The following PCDHGA6 variants were observed in gnomAD, a reference collection of about 807,000 sequenced individuals.
PCDHGA6 encodes the protein protocadherin gamma-A6.
In PCDHGA6, 41 loss-of-function variants were observed where a neutral mutation model predicts 60.6. That is an observed-to-expected ratio of 0.68 (90% CI 0.53 to 0.88). The LOEUF is 0.88. Ranked by LOEUF, PCDHGA6 falls within the 40% of genes least tolerant of loss-of-function variation. PCDHGA6 has a pLI of 0.00. For missense variants in PCDHGA6, 1,312 were observed against 1,203.0 expected (o/e 1.09, Z -1.34); for synonymous variants, 594 against 524.4 (o/e 1.13, Z -1.81).
rs1160304959 is a variant in PCDHGA6, at chr5:141,490,969, C to A, written c.2425-3838C>A. On this transcript the variant is annotated intron_variant, in intron 1 of 3. Coordinates refer to ENST00000517434, the MANE Select transcript of PCDHGA6 (RefSeq NM_018919.3). This position sits in a 1 kb window ranked among gnomAD's most constrained non-coding sequence, Gnocchi z 5.4. ...GCCAGACTGGGAACACTCAGCCCCC[C>A]AGCGTCTCCCTCGCTCTGCTCCTCC... The A allele has an allele frequency of 2.5e-6, 4 of 1,613,820 alleles. No individual in the cohort carries two copies. In the African/African-American group the frequency reaches 4.0e-5, roughly 16 times the overall value.
chr5:141,450,581 G>A (rs2098686464), intron 1 of PCDHGA6, among the ~76,000 whole-genome samples: 1 of 151,878 alleles, frequency 6.6e-6, no homozygotes, highest in Non-Finnish European at 1.5e-5. Context: ...CTGCCTCCCA[G>A]GTTCAAGCAA....
intron 1 of PCDHGA6, chr5:141,422,327 T>C (rs1561800795): frequency 1.3e-6 from 2 of 1,548,652 alleles, no homozygotes; most frequent in African/African-American, 2.8e-5. Context: ...GGTACAGTGA[T>C]TGCTCTTCTA....
At chr5:141,402,458 T>C (rs886690950) in intron 1 of PCDHGA6, among the ~76,000 whole-genome samples, 2 of 152,178 alleles carry the variant, frequency 1.3e-5, no homozygotes, top group Non-Finnish European at 2.9e-5. Flanking sequence ...ATAGTTTACA[T>C]ATCTAGAAAT....
Position 141,489,361 on chromosome 5 carries a change from C to A in PCDHGA6, c.2425-5446C>A. ...TTACTCAGTGGTGGAGGAGTCTGAG[C>A]CGGGGACGCTGGTGGGGAATGTTGC... On this transcript the variant is annotated intron_variant, in intron 1 of 3. Transcript: ENST00000517434. This position sits in a 1 kb window ranked among gnomAD's most constrained non-coding sequence, Gnocchi z 4.5. 1 of 1,612,880 alleles carries A rather than the reference C, an allele frequency of 6.2e-7. No individual in the cohort carries two copies. The highest frequency in any genetic ancestry group is 8.5e-7 in the Non-Finnish European group (1 of 1,179,164).
chr5:141,422,535 A>T lies in PCDHGA6; in HGVS notation c.2424+46028A>T, dbSNP rs760963618. On this transcript the variant is annotated intron_variant, in intron 1 of 3. Transcript: ENST00000517434. ...AGGGAAGCCCGCCTTTGTCTGCAGA[A>T]ACTCATGTCTGGCTGAATGTGGCAG... 20 of 1,613,826 alleles carry T rather than the reference A, an allele frequency of 1.2e-5. 1 individual carries two copies. Among genetic ancestry groups the T allele is most frequent in the Non-Finnish European group, 8.5e-7 (1 of 1,179,882 alleles).
At chr5:141,473,919 A>G (rs2099331297) in intron 1 of PCDHGA6, among the ~76,000 whole-genome samples, 1 of 152,172 alleles carries the variant, frequency 6.6e-6, no homozygotes, top group African/African-American at 2.4e-5. Flanking sequence ...TAAGAAAACT[A>G]TGAGCTGGGT....
rs756243026 is a variant in PCDHGA6, at chr5:141,487,478, T to C, written c.2425-7329T>C. On this transcript the variant is annotated intron_variant, in intron 1 of 3. Transcript: ENST00000517434. This position sits in a 1 kb window ranked among gnomAD's most constrained non-coding sequence, Gnocchi z 5.0. ...CAAGTTTGTTGATGTGGGAGGCCAC[T>C]CTCATGGCTGTACACCCTTGGCTTC... is the stretch of plus-strand genomic sequence containing the variant. 6 of 1,614,078 alleles carry C rather than the reference T, an allele frequency of 3.7e-6. No individual in the cohort carries two copies. In the Admixed American group the frequency reaches 1.0e-4, roughly 27 times the overall value.
Position 141,432,484 on chromosome 5 carries a change from G to A in PCDHGA6, c.2424+55977G>A, listed in dbSNP as rs1164877592. On this transcript the variant is annotated intron_variant, in intron 1 of 3. Transcript: ENST00000517434. The surrounding 1 kb of genome is among the most constrained non-coding windows in gnomAD (Gnocchi z 6.0). ...TCCCCACGGACGGTTCCACTGGCGTGGAGCTGGCTCCCCGCTCCGCAGAGC... is the reference window on the plus strand; with the variant it reads ...TCCCCACGGACGGTTCCACTGGCGTAGAGCTGGCTCCCCGCTCCGCAGAGC... 8.7e-6 allele frequency: 14 copies of A among 1,614,196 alleles called. No individual in the cohort carries two copies. Among genetic ancestry groups the A allele is most frequent in the Non-Finnish European group, 1.2e-5 (14 of 1,180,046 alleles).
chr5:141,444,238 C>T (rs1011385887), intron 1 of PCDHGA6, among the ~76,000 whole-genome samples: 6 of 125,052 alleles, frequency 4.8e-5, no homozygotes, highest in Non-Finnish European at 9.4e-5. Context: ...ATGGCATGCT[C>T]TCGGCTCACT....
rs1173303153 is a variant in PCDHGA6 at position 141,376,011 on chromosome 5, T to C, written c.1928T>C (p.Val643Ala). Residue 643 changes from valine (V) to alanine (A), a missense_variant, in exon 1 of 4, where the codon GTG becomes GCG. Coordinates refer to ENST00000517434, the MANE Select transcript of PCDHGA6 (RefSeq NM_018919.3). ...AGAGACGCGCTCAAGCAGAGCCTAG[T>C]GGTGGCCGTCCAGGACCACGGCCAG... Reference protein sequence around the residue: ...LDRDALKQSLVVAVQDHGQPP... With the variant: ...LDRDALKQSLAVAVQDHGQPP... The C allele has an allele frequency of 6.2e-7, 1 of 1,613,332 alleles. No individual in the cohort carries two copies. Among genetic ancestry groups the C allele is most frequent in the Non-Finnish European group, 8.5e-7 (1 of 1,179,890 alleles).
In PCDHGA6 at chr5:141,403,547, G is replaced by A. The variant is rs940508173; in HGVS notation, c.2424+27040G>A. ...AAACCCAGAGCTGGTGCTGGAGCGC[G>A]CCCTGGACAGGGAGGAGGCAACTGC... On this transcript the variant is annotated intron_variant, in intron 1 of 3. Coordinates refer to ENST00000517434, the MANE Select transcript of PCDHGA6 (RefSeq NM_018919.3). 3.4e-5 allele frequency: 55 copies of A among 1,613,888 alleles called. No individual in the cohort carries two copies. The highest frequency in any genetic ancestry group is 4.5e-5 in the Non-Finnish European group (53 of 1,179,904).
At chr5:141,455,789 G>A (rs966897617) in intron 1 of PCDHGA6, among the ~76,000 whole-genome samples, 56 of 152,058 alleles carry the variant, frequency 3.7e-4, no homozygotes, top group African/African-American at 1.3e-3. Context: ...AACTTTTCCG[G>A]AGATGCTTTA....
intron 1 of PCDHGA6, among the ~76,000 whole-genome samples, chr5:141,459,563 C>CAAAACAGAATT (rs1554142058): frequency 5.3e-5 from 8 of 152,044 alleles, no homozygotes; most frequent in Non-Finnish European, 2.9e-5. Context: ...ATAAATACCC[C>CAAAACAGAATT]AAAACAGAAT....
chr5:141,387,071 C>T (rs1487403463), intron 1 of PCDHGA6, among the ~76,000 whole-genome samples: 2 of 152,172 alleles, frequency 1.3e-5, no homozygotes, highest in African/African-American at 4.8e-5. Flanking sequence ...GAGGAGTAGG[C>T]TACTGCCTGT....
intron 1 of PCDHGA6, chr5:141,410,555 C>G: frequency 1.2e-6 from 2 of 1,613,202 alleles, no homozygotes; most frequent in Non-Finnish European, 1.7e-6. Flanking sequence ...CAGTGTTTCT[C>G]CTGGAGCCTT....
intron 1 of PCDHGA6, among the ~76,000 whole-genome samples, chr5:141,381,670 T>C (rs1383738220): frequency 6.6e-6 from 1 of 152,198 alleles, no homozygotes; most frequent in Non-Finnish European, 1.5e-5. Context: ...CTATAGCTGA[T>C]TGCTGCAGCC....
rs76825883 is a variant in PCDHGA6, at chr5:141,433,317, C to T, written c.2424+56810C>T. The T allele has an allele frequency of 1.4e-3, 1,163 of 830,944 alleles. 6 individuals are homozygous for T. In the African/African-American group the frequency reaches 0.015, roughly 11 times the overall value. 51.5% of individuals were successfully genotyped at this position (830,944 alleles called of 1,614,324 possible). A position where few individuals can be genotyped will look rare whatever the true frequency, so the allele number is the denominator to read the frequency against. On this transcript the variant is annotated intron_variant, in intron 1 of 3. Transcript: ENST00000517434. ...CAAGCAATTATCCCACCTTTGCCTC[C>T]GGTGTAACAGGGACTACAGGTGCAA... is the stretch of plus-strand genomic sequence containing the variant.
rs1219045744 is a variant in PCDHGA6 at position 141,476,783 on chromosome 5, G to T, written c.2425-18024G>T. The stretch of plus-strand genomic sequence containing the variant: ...GACGGCGTTGGACGGAGGGACCCCA[G>T]CTCTCTCCGCCAGCCTGCCTATTCA... On this transcript the variant is annotated intron_variant, in intron 1 of 3. Transcript: ENST00000517434. The surrounding 1 kb of genome is among the most constrained non-coding windows in gnomAD (Gnocchi z 7.6). 5 of 1,613,392 alleles carry T rather than the reference G, an allele frequency of 3.1e-6. No homozygotes were observed. The highest frequency in any genetic ancestry group is 2.7e-5 in the African/African-American group (2 of 74,930).
chr5:141,395,101 C>G, intron 1 of PCDHGA6: 3 of 1,614,164 alleles, frequency 1.9e-6, no homozygotes, highest in East Asian at 2.2e-5. Context: ...ACCGCCGACT[C>G]GCGGAAGAGT....
Sources: allele counts gnomAD v4.1 joint callset (sites outside exome capture counted in the v4.1 genomes callset), GRCh38; gene constraint gnomAD v4.1.1; non-coding constraint Gnocchi (gnomAD v3.1); transcripts MANE v1.5; gene names NCBI Gene and HGNC (gene_info 2026-07-23, HGNC 2026-07-21).